UBE2D2: variants seen among roughly 807,000 people sequenced by gnomAD.
UBE2D2 encodes ubiquitin-conjugating enzyme E2 D2.
UBE2D2 carries 2 observed loss-of-function variants against 24.2 expected under a neutral mutation model. The ratio of observed to expected loss-of-function variants is 0.08; its 90% CI spans 0.03 to 0.26. UBE2D2 has a LOEUF of 0.26. Ranked by LOEUF, UBE2D2 falls within the 10% of genes least tolerant of loss-of-function variation. The pLI, the probability that UBE2D2 is intolerant of heterozygous loss-of-function variation, is 1.00. For missense variants in UBE2D2, 44 were observed against 177.6 expected (o/e 0.25, Z 4.28); for synonymous variants, 58 against 56.5 (o/e 1.03, Z -0.12).
intron 1 of UBE2D2, among the ~76,000 whole-genome samples, chr5:139,573,324 A>G (rs1429006508): frequency 2.0e-5 from 3 of 151,962 alleles, no homozygotes; most frequent in African/African-American, 7.2e-5. Context: ...AAAAAAAAAA[A>G]AGTACTATCA....
At chr5:139,604,687 C>T (rs1049598200) in intron 2 of UBE2D2, among the ~76,000 whole-genome samples, 2 of 151,960 alleles carry the variant, frequency 1.3e-5, no homozygotes, top group Admixed American at 1.3e-4. Context: ...GAGTTTTATG[C>T]CAGCCTGGGC....
At chr5:139,574,748 A>AAAAAAAAG (rs1260545518) in intron 1 of UBE2D2, among the ~76,000 whole-genome samples, 27 of 151,246 alleles carry the variant, frequency 1.8e-4, no homozygotes, top group African/African-American at 5.6e-4. Flanking sequence ...AAAAAAAAAA[A>AAAAAAAAG]AAAAAGAAAA....
chr5:139,585,126 C>T (rs906154586), intron 1 of UBE2D2, among the ~76,000 whole-genome samples: 9 of 151,614 alleles, frequency 5.9e-5, no homozygotes, highest in East Asian at 3.9e-4. Context: ...TCTCGAACTC[C>T]GCACCTCACA....
Position 139,561,618 on chromosome 5 carries a change from A to G in UBE2D2, c.-174A>G. 2.1e-6 allele frequency: 1 copy of G among 481,024 alleles called. No individual in the cohort carries two copies. The highest frequency in any genetic ancestry group is 3.6e-6 in the Non-Finnish European group (1 of 278,030). The allele number at this position is 481,024 out of a possible 1,614,324, so 29.8% of individuals were successfully genotyped here. A position where few individuals can be genotyped will look rare whatever the true frequency, so the allele number is the denominator to read the frequency against. Reference sequence around the variant, plus strand: ...ATGCGGTGACCGCTGCGGCAGGCCCAGGAGCTGAGTGGGCCCCGGCCCTCA... The same window carrying G: ...ATGCGGTGACCGCTGCGGCAGGCCCGGGAGCTGAGTGGGCCCCGGCCCTCA... On this transcript the variant is annotated 5_prime_UTR_variant, in exon 1 of 7. Transcript: ENST00000398733.
In UBE2D2 at chr5:139,566,501, T is replaced by C. The variant is rs180753307; in HGVS notation, c.24+4686T>C. Among the ~76,000 whole-genome samples the C allele has an allele frequency of 1.6e-3, 241 of 150,760 alleles. 2 individuals carry two copies. Among genetic ancestry groups the C allele is most frequent in the Admixed American group, 6.2e-3 (94 of 15,236 alleles). ...CCAGCCTGAGCAACATGACGAAACATGGTCTTTACAAAAAATACAAAAAAT... is the reference window on the plus strand; with the variant it reads ...CCAGCCTGAGCAACATGACGAAACACGGTCTTTACAAAAAATACAAAAAAT... On this transcript the variant is annotated intron_variant, in intron 1 of 6. Coordinates refer to ENST00000398733, the MANE Select transcript of UBE2D2 (RefSeq NM_003339.3).
chr5:139,618,162 C>T (rs1754453059), intron 5 of UBE2D2, among the ~76,000 whole-genome samples: 2 of 151,874 alleles, frequency 1.3e-5, no homozygotes, highest in Admixed American at 6.6e-5. Context: ...TTAGTAGAGA[C>T]GGAGTTTCTC....
chr5:139,596,429 G>T (rs891835822), intron 1 of UBE2D2, among the ~76,000 whole-genome samples: 19 of 151,654 alleles, frequency 1.3e-4, no homozygotes, highest in African/African-American at 4.4e-4. Context: ...CGGTAAATGG[G>T]ATTACAGGTG....
intron 1 of UBE2D2, among the ~76,000 whole-genome samples, chr5:139,584,970 G>A (rs1466127020): frequency 2.7e-5 from 4 of 149,390 alleles, no homozygotes; most frequent in Non-Finnish European, 5.9e-5. Context: ...GCGCGATCTC[G>A]GCTGACTGCA....
chr5:139,572,534 T>C (rs1016276016), intron 1 of UBE2D2, among the ~76,000 whole-genome samples: 5 of 152,040 alleles, frequency 3.3e-5, no homozygotes, highest in African/African-American at 1.2e-4. Context: ...AGTTTAAGGC[T>C]GCAGTGAGCT....
At position 139,588,426 on chromosome 5, in the gene UBE2D2, C is replaced by T. The variant is rs115802725; in HGVS notation, c.25-11946C>T. Among the ~76,000 whole-genome samples the T allele has an allele frequency of 3.0e-3, 450 of 152,234 alleles. 4 individuals are homozygous for T. Among genetic ancestry groups the T allele is most frequent in the African/African-American group, 9.0e-3 (373 of 41,544 alleles). ...AAGTAGCTGGGGCTACAGGAATGTG[C>T]CACCATATCTGGCTAATTTTTGTAT... On this transcript the variant is annotated intron_variant, in intron 1 of 6. Transcript: ENST00000398733.
chr5:139,532,510 C>T lies in UBE2D2; in HGVS notation c.-64+5898C>T, dbSNP rs980517105. ...GGGACTACAGGTGCCCGACATCACA[C>T]CCGGCTAATTTTTTGTATTTTTAGT... On this transcript the variant is annotated intron_variant, in intron 1 of 6. Coordinates refer to the UBE2D2 transcript ENST00000511725. Among the ~76,000 whole-genome samples, 24 of 152,210 alleles carry T rather than the reference C, an allele frequency of 1.6e-4. 1 individual carries two copies. The highest frequency in any genetic ancestry group is 5.2e-4 in the Admixed American group (8 of 15,282).
upstream of UBE2D2, among the ~76,000 whole-genome samples, chr5:139,560,418 G>A (rs182056322): frequency 2.9e-3 from 445 of 152,192 alleles, no homozygotes; most frequent in African/African-American, 0.01. Flanking sequence ...GGCTGGTCTC[G>A]AATTCCTGAC....
intron 2 of UBE2D2, among the ~76,000 whole-genome samples, chr5:139,604,880 TAA>T (rs201379778): frequency 3.2e-4 from 41 of 127,366 alleles, no homozygotes; most frequent in Non-Finnish European, 4.4e-4. Context: ...ACCCAGTCTC[TAA>T]AAAAAAAAAA....
At chr5:139,576,471 C>A (rs1020371557) in intron 1 of UBE2D2, among the ~76,000 whole-genome samples, 1 of 152,078 alleles carries the variant, frequency 6.6e-6, no homozygotes, top group Non-Finnish European at 1.5e-5. Flanking sequence ...TGCCCATCCA[C>A]GTAACCCAAA....
chr5:139,545,867 G>T (rs989830487), intron 1 of UBE2D2, among the ~76,000 whole-genome samples: 1 of 151,108 alleles, frequency 6.6e-6, no homozygotes, highest in Non-Finnish European at 1.5e-5. Context: ...GGGATTACAG[G>T]CATGTACCAC....
chr5:139,595,887 T>G (rs941409222), intron 1 of UBE2D2, among the ~76,000 whole-genome samples: 1 of 141,804 alleles, frequency 7.1e-6, no homozygotes, highest in Non-Finnish European at 1.5e-5. Context: ...TTTTTGTTTT[T>G]TGTTGTTTTT....
intron 1 of UBE2D2, among the ~76,000 whole-genome samples, chr5:139,590,784 T>C (rs1753830525): frequency 9.2e-6 from 1 of 108,578 alleles, no homozygotes; most frequent in African/African-American, 4.1e-5. Flanking sequence ...CTCTTCTTCT[T>C]TTTTTTTTTT....
chr5:139,558,856 A>C (rs548953786), upstream of UBE2D2, among the ~76,000 whole-genome samples: 1 of 151,420 alleles, frequency 6.6e-6, no homozygotes, highest in Non-Finnish European at 1.5e-5. Context: ...CCTGAGGTGC[A>C]GTGGAACCAC....
chr5:139,609,513 G>A (rs1754266687), intron 2 of UBE2D2, among the ~76,000 whole-genome samples: 1 of 151,616 alleles, frequency 6.6e-6, no homozygotes, highest in African/African-American at 2.4e-5. Context: ...TGGGATTACA[G>A]GCAATGCGCC....
Sources: allele counts gnomAD v4.1 joint callset (sites outside exome capture counted in the v4.1 genomes callset), GRCh38; gene constraint gnomAD v4.1.1; transcripts MANE v1.5; gene names NCBI Gene and HGNC (gene_info 2026-07-23, HGNC 2026-07-21).